The following COL22A1 variants were observed in gnomAD, a reference collection of about 807,000 sequenced individuals.
COL22A1 encodes the protein collagen alpha-1(XXII) chain.
A neutral mutation model predicts 248.9 loss-of-function variants in COL22A1; 221 were observed. The observed-to-expected ratio is 0.89, with a 90% CI of 0.80 to 0.99. The LOEUF (loss-of-function observed/expected upper bound fraction) is 0.99, where lower values mean the gene tolerates loss of function less well. Among genes scored for constraint, COL22A1 ranks in the 50% least tolerant of loss-of-function variants. The probability of loss-of-function intolerance (pLI) is 0.00; values close to 1 mark genes in which losing one functional copy is unlikely to be tolerated. For missense variants in COL22A1, 2,240 were observed against 2,179.0 expected (o/e 1.03, Z -0.56); for synonymous variants, 891 against 793.4 (o/e 1.12, Z -2.07).
chr8:138,819,804 A>T (rs188885018), intron 7 of COL22A1, among the ~76,000 whole-genome samples: 55 of 151,580 alleles, frequency 3.6e-4, no homozygotes, highest in African/African-American at 1.2e-3. Context: ...CACTTTCTAG[A>T]GCAATTTGAA....
intron 3 of COL22A1, among the ~76,000 whole-genome samples, chr8:138,864,930 C>T (rs1346707194): frequency 2.6e-5 from 4 of 152,234 alleles, no homozygotes; most frequent in Non-Finnish European, 5.9e-5. Context: ...GGAGCCAGAA[C>T]TCACCTGCAG....
intron 30 of COL22A1, among the ~76,000 whole-genome samples, chr8:138,703,810 C>T (rs1392701831): frequency 1.3e-5 from 2 of 152,070 alleles, no homozygotes; most frequent in Non-Finnish European, 2.9e-5. Flanking sequence ...GGAGTGTGAG[C>T]CAAAGCAGGG....
intron 36 of COL22A1, among the ~76,000 whole-genome samples, chr8:138,690,578 T>G (rs1424028398): frequency 6.6e-6 from 1 of 152,098 alleles, no homozygotes; most frequent in African/African-American, 2.4e-5. Flanking sequence ...ACCAGTGAAA[T>G]GTACAGACTT....
At chr8:138,886,030 C>T (rs1363273207) in intron 1 of COL22A1, among the ~76,000 whole-genome samples, 1 of 152,212 alleles carries the variant, frequency 6.6e-6, no homozygotes, top group African/African-American at 2.4e-5. Flanking sequence ...ACTCCCATCT[C>T]TTTTCCCCCA....
intron 39 of COL22A1, among the ~76,000 whole-genome samples, chr8:138,682,684 A>G (rs984627800): frequency 6.6e-6 from 1 of 152,020 alleles, no homozygotes; most frequent in Non-Finnish European, 1.5e-5. Flanking sequence ...CTGCTGATGC[A>G]CTTTATTTTA....
At chr8:138,781,044 A>T in intron 12 of COL22A1, 64 bp from the exon 13 acceptor site, 2 of 1,166,442 alleles carry the variant, frequency 1.7e-6, no homozygotes, top group Non-Finnish European at 2.5e-6. Context: ...TCAGAATGCT[A>T]GTGCAGTGGA....
At chr8:138,661,025 CACACACATATACAG>C (rs1290007396) in intron 43 of COL22A1, among the ~76,000 whole-genome samples, 12,410 of 64,042 alleles carry the variant, frequency 0.19, 816 homozygotes, top group African/African-American at 0.24. Context: ...CACGCACATA[CACACACATATACAG>C]ACACACACAC....
intron 1 of COL22A1, among the ~76,000 whole-genome samples, chr8:138,905,075 G>C (rs527392059): frequency 6.6e-6 from 1 of 152,322 alleles, no homozygotes; most frequent in Admixed American, 6.5e-5. Context: ...CATATCAACA[G>C]ATAGATGGAT....
intron 55 of COL22A1, among the ~76,000 whole-genome samples, chr8:138,615,656 G>A (rs1416172582): frequency 6.6e-6 from 1 of 152,090 alleles, no homozygotes; most frequent in African/African-American, 2.4e-5. Flanking sequence ...GGGGTGTGTG[G>A]TTTCTTTGAG....
At chr8:138,705,443 C>T (rs1157421710) in intron 30 of COL22A1, among the ~76,000 whole-genome samples, 1 of 152,228 alleles carries the variant, frequency 6.6e-6, no homozygotes, top group African/African-American at 2.4e-5. Flanking sequence ...TCAGCAGAAA[C>T]TCTACAAGCC....
intron 4 of COL22A1, 43 bp from the exon 5 acceptor site, chr8:138,833,193 A>G (rs1820180234): frequency 1.4e-6 from 2 of 1,384,710 alleles, no homozygotes; most frequent in Admixed American, 1.7e-5. Flanking sequence ...GAGAAGGAAG[A>G]GTATAAGAGA....
At chr8:138,695,144 G>A (rs2130937104) in intron 32 of COL22A1, among the ~76,000 whole-genome samples, 1 of 152,304 alleles carries the variant, frequency 6.6e-6, no homozygotes, top group Admixed American at 6.5e-5. Flanking sequence ...GTTACAGCAG[G>A]TCAGTGTACT....
intron 16 of COL22A1, among the ~76,000 whole-genome samples, chr8:138,768,957 C>T (rs752930080): frequency 4.0e-5 from 6 of 151,892 alleles, no homozygotes; most frequent in Admixed American, 3.3e-4. Flanking sequence ...AAAGAGGATG[C>T]CATTACAACC....
Position 138,887,054 on chromosome 8 carries a change from C to T in COL22A1, c.-72-3810G>A, listed in dbSNP as rs150539796. Reference sequence around the variant, plus strand: ...CCTCAAGCACTTATCCTTCGAGTCACAAGCAATCCAACTACACTCTTTATT... The same window carrying T: ...CCTCAAGCACTTATCCTTCGAGTCATAAGCAATCCAACTACACTCTTTATT... On this transcript the variant is annotated intron_variant, in intron 1 of 64. Transcript: ENST00000303045. Among the ~76,000 whole-genome samples the T allele has an allele frequency of 6.6e-3, 1,010 of 152,262 alleles. 9 individuals are homozygous for T. The highest frequency in any genetic ancestry group is 0.023 in the African/African-American group (962 of 41,530).
At chr8:138,670,207 A>G (rs1349559341) in intron 41 of COL22A1, among the ~76,000 whole-genome samples, 3 of 152,066 alleles carry the variant, frequency 2.0e-5, no homozygotes, top group Admixed American at 1.3e-4. Flanking sequence ...TTATATAAAA[A>G]CCAACTCCTG....
At chr8:138,736,593 G>C (rs956503068) in intron 23 of COL22A1, among the ~76,000 whole-genome samples, 1 of 152,160 alleles carries the variant, frequency 6.6e-6, no homozygotes, top group South Asian at 2.1e-4. Flanking sequence ...TAGATGGGTG[G>C]GTGTCAGGAT....
At chr8:138,610,565 C>A (rs1818776987) in intron 56 of COL22A1, among the ~76,000 whole-genome samples, 1 of 152,222 alleles carries the variant, frequency 6.6e-6, no homozygotes, top group South Asian at 2.1e-4. Flanking sequence ...CAAACTTCAG[C>A]AGCTCATTTT....
At chr8:138,669,011 T>C (rs182506270) in intron 41 of COL22A1, among the ~76,000 whole-genome samples, 7 of 152,298 alleles carry the variant, frequency 4.6e-5, no homozygotes, top group African/African-American at 1.7e-4. Context: ...TCAGACTCTG[T>C]GCTCAGAGAG....
intron 2 of COL22A1, among the ~76,000 whole-genome samples, chr8:138,882,465 TCA>T (rs1334201027): frequency 8.2e-6 from 1 of 122,022 alleles, no homozygotes; most frequent in African/African-American, 3.2e-5. Flanking sequence ...CCCCTACACC[TCA>T]CACTCATACA....
Sources: allele counts gnomAD v4.1 joint callset (sites outside exome capture counted in the v4.1 genomes callset), GRCh38; gene constraint gnomAD v4.1.1; transcripts MANE v1.5; gene names NCBI Gene and HGNC (gene_info 2026-07-23, HGNC 2026-07-21).